Variants in MRTFA observed in about 807,000 individuals in gnomAD.
The protein encoded by MRTFA is myocardin related transcription factor A.
MRTFA carries 20 observed loss-of-function variants against 83.5 expected under a neutral mutation model. The observed-to-expected ratio is 0.24, with a 90% CI of 0.17 to 0.35. The LOEUF (loss-of-function observed/expected upper bound fraction) is 0.35, where lower values mean the gene tolerates loss of function less well. MRTFA is among the 10% of genes least tolerant of loss of function. The pLI is 1.00. For synonymous variants in MRTFA, 659 were observed against 541.2 expected, an observed-to-expected ratio of 1.22 and a Z score of -3.02; for missense variants, 1,200 against 1,224.7, an observed-to-expected ratio of 0.98 and a Z score of 0.30.
intron 14 of MRTFA, among the ~76,000 whole-genome samples, chr22:40,413,603 G>A (rs146166562): frequency 4.0e-4 from 60 of 151,580 alleles, no homozygotes; most frequent in Middle Eastern, 3.4e-3. Context: ...CACCATGCCC[G>A]GATAAATTTT....
intron 2 of MRTFA, among the ~76,000 whole-genome samples, chr22:40,558,876 C>T (rs2055572192): frequency 6.6e-6 from 1 of 151,524 alleles, no homozygotes; most frequent in African/African-American, 2.4e-5. Context: ...ACCTCTGCCT[C>T]CTAGGTTCAA....
At chr22:40,549,938 A>G (rs937548190) in intron 3 of MRTFA, among the ~76,000 whole-genome samples, 2 of 151,666 alleles carry the variant, frequency 1.3e-5, no homozygotes. Context: ...AATCCCAGCT[A>G]CTCGGGTGGC....
intron 3 of MRTFA, among the ~76,000 whole-genome samples, chr22:40,480,943 G>A (rs1185106801): frequency 6.6e-6 from 1 of 151,576 alleles, no homozygotes; most frequent in Non-Finnish European, 1.5e-5. Flanking sequence ...AGCAACACAG[G>A]GAGACCCCCG....
At chr22:40,455,600 C>T (rs1448935099) in intron 4 of MRTFA, among the ~76,000 whole-genome samples, 21 of 147,624 alleles carry the variant, frequency 1.4e-4, no homozygotes, top group East Asian at 2.0e-4. Flanking sequence ...GAGCCGAGAT[C>T]GCGCCACTGC....
At chr22:40,625,466 T>C (rs998973622) in intron 1 of MRTFA, among the ~76,000 whole-genome samples, 21 of 148,582 alleles carry the variant, frequency 1.4e-4, no homozygotes, top group African/African-American at 5.2e-4. Flanking sequence ...AATAAATAAA[T>C]AAATAAATAA....
chr22:40,625,447 C>A (rs562453314), intron 1 of MRTFA, among the ~76,000 whole-genome samples: 3,821 of 137,414 alleles, frequency 0.028, 86 homozygotes, highest in Middle Eastern at 0.073. Flanking sequence ...AAGGCCCTCT[C>A]TCTAAATAAA....
rs1202174458 is a variant in MRTFA at position 40,411,680 on chromosome 22, G to C, written c.2806C>G (p.Pro936Ala). 4.4e-6 allele frequency: 7 copies of C among 1,604,660 alleles called. No homozygotes were observed. Among genetic ancestry groups the C allele is most frequent in the Middle Eastern group, 1.7e-4 (1 of 6,052 alleles). ...TGGAGGTCGTCAATGAGGGAAAGGG[G>C]CTCTGGCCCGTCATGCCCACTGGTC... The change falls in exon 15 of 15, where the codon CCC becomes GCC. Residue 936 changes from proline to alanine, a missense_variant. Pro to Ala is a conservative substitution (Grantham distance 27). Transcript: ENST00000355630.
At chr22:40,446,419 C>T (rs992584754) in intron 4 of MRTFA, among the ~76,000 whole-genome samples, 1 of 152,010 alleles carries the variant, frequency 6.6e-6, no homozygotes, top group South Asian at 2.1e-4. Context: ...TGATCCAGGG[C>T]GAGTAAACTT....
chr22:40,617,772 TAGG>T (rs2056471565), intron 1 of MRTFA, among the ~76,000 whole-genome samples: 1 of 151,266 alleles, frequency 6.6e-6, no homozygotes, highest in Non-Finnish European at 1.5e-5. Flanking sequence ...GCCTAGCCAT[TAGG>T]AGAATAATGT....
At chr22:40,597,410 G>A (rs577725195) in intron 1 of MRTFA, among the ~76,000 whole-genome samples, 1 of 152,160 alleles carries the variant, frequency 6.6e-6, no homozygotes, top group Non-Finnish European at 1.5e-5. Context: ...CCTTATCCAT[G>A]CCAACTAAGA....
At chr22:40,431,925 A>T (rs2053076648) in intron 5 of MRTFA, among the ~76,000 whole-genome samples, 1 of 152,186 alleles carries the variant, frequency 6.6e-6, no homozygotes, top group Admixed American at 6.6e-5. Context: ...AATCACACTG[A>T]ATATGATTTT....
rs537427869 is a variant in MRTFA, at chr22:40,434,367, A to G, written c.363+1132T>C. On this transcript the variant is annotated intron_variant, in intron 5 of 14. Transcript: ENST00000355630. ...ATCATGATTTTCTGGGGAGAGGGGA[A>G]TGAAAGAAAGTTTAAAAAAAAAAAA... is the stretch of plus-strand genomic sequence containing the variant. Among the ~76,000 whole-genome samples the G allele has an allele frequency of 3.3e-5, 5 of 151,476 alleles. No individual in the cohort carries two copies. The East Asian group carries it at 9.7e-4, about 29-fold the overall frequency.
intron 1 of MRTFA, among the ~76,000 whole-genome samples, chr22:40,623,530 T>C (rs993767613): frequency 2.7e-5 from 4 of 148,932 alleles, no homozygotes; most frequent in Admixed American, 6.7e-5. Context: ...GAAAGGGGTG[T>C]TCATTCATTT....
rs987904416 is a variant in MRTFA, at chr22:40,410,787, A to C, written c.*603T>G. On this transcript the variant is annotated 3_prime_UTR_variant, in exon 15 of 15. Transcript: ENST00000355630. ...ACCCATCTCCTGTCCGCCCCCCCCC[A>C]AAAATATATATGTATGTCGATATAT... The C allele has an allele frequency of 5.3e-5, 12 of 227,302 alleles. No homozygotes were observed. Among genetic ancestry groups the C allele is most frequent in the African/African-American group, 1.2e-4 (5 of 41,760 alleles). The allele number at this position is 227,302 out of a possible 1,614,324, so 14.1% of individuals were successfully genotyped here.
chr22:40,520,072 T>C (rs2054837094), intron 3 of MRTFA, among the ~76,000 whole-genome samples: 1 of 152,062 alleles, frequency 6.6e-6, no homozygotes, highest in Non-Finnish European at 1.5e-5. Context: ...ATCCCTAGGG[T>C]TTTCTTGTGT....
At chr22:40,431,312 GAAGA>G (rs938489394) in intron 6 of MRTFA, 89 bp downstream of exon 6, 5 of 1,223,020 alleles carry the variant, frequency 4.1e-6, no homozygotes, top group Non-Finnish European at 4.8e-6. Context: ...AGAAATGGGA[GAAGA>G]AAGAGGCAGG....
chr22:40,589,412 A>T (rs548770354), intron 2 of MRTFA, among the ~76,000 whole-genome samples: 1 of 152,278 alleles, frequency 6.6e-6, no homozygotes, highest in East Asian at 1.9e-4. Flanking sequence ...TTACTATTCT[A>T]TTTTACAAAG....
At chr22:40,497,594 A>G (rs2054377612) in intron 3 of MRTFA, among the ~76,000 whole-genome samples, 1 of 152,044 alleles carries the variant, frequency 6.6e-6, no homozygotes, top group African/African-American at 2.4e-5. Context: ...CTCTACTAAA[A>G]ATACAAAAAT....
chr22:40,540,721 G>A (rs967931125), intron 3 of MRTFA, among the ~76,000 whole-genome samples: 1 of 143,360 alleles, frequency 7.0e-6, no homozygotes, highest in Admixed American at 7.5e-5. Context: ...AGGTTGCAGT[G>A]AGCTGAGATG....
Sources: allele counts gnomAD v4.1 joint callset (sites outside exome capture counted in the v4.1 genomes callset), GRCh38; gene constraint gnomAD v4.1.1; transcripts MANE v1.5; gene names NCBI Gene and HGNC (gene_info 2026-07-23, HGNC 2026-07-21).